ANK3: variants seen among roughly 807,000 people sequenced by gnomAD.
ANK3 encodes the protein ankyrin 3.
Under a neutral mutation model 370.9 loss-of-function variants are expected in ANK3, and 57 were observed. The ratio of observed to expected loss-of-function variants is 0.15; its 90% CI spans 0.12 to 0.19. The LOEUF is 0.19. Ranked by LOEUF, ANK3 falls within the 10% of genes least tolerant of loss-of-function variation. ANK3 has a pLI of 1.00. For synonymous variants in ANK3, 1,929 were observed against 1,946.3 expected (o/e 0.99, Z 0.23); for missense variants, 4,439 against 5,302.1 (o/e 0.84, Z 5.06).
rs919532354 is a variant in ANK3, at chr10:60,069,633, T to C, written c.11248A>G (p.Thr3750Ala). The C allele has an allele frequency of 1.2e-6, 2 of 1,614,178 alleles. No individual in the cohort carries two copies. Residue 3750 changes from threonine (T) to alanine (A), a missense_variant, in exon 37 of 44, where the codon ACC becomes GCC. Thr to Ala is a moderately conservative substitution (Grantham distance 58, BLOSUM62 0). This residue lies in a region of ANK3 where 496 missense variants were observed against 529.3 expected (regional missense o/e 0.94). Coordinates refer to ENST00000280772, the MANE Select transcript of ANK3 (RefSeq NM_020987.5). The stretch of plus-strand genomic sequence containing the variant: ...TCATTTTCTAATCCCTGACAACTGG[T>C]CATCACCGCTTCTATCTTATCTGTT... The part of the protein sequence containing the change: ...EITDKIEAVM[T>A]SCQGLENETI...
At chr10:60,038,252 C>T (rs1307430340) in intron 43 of ANK3, among the ~76,000 whole-genome samples, 1 of 152,062 alleles carries the variant, frequency 6.6e-6, no homozygotes, top group Non-Finnish European at 1.5e-5. Flanking sequence ...CAAAAATTAG[C>T]GGGGCATGGT....
rs934175610 is a variant in ANK3, at chr10:60,028,399, G to C, written c.*1447C>G. 1.3e-5 allele frequency: 2 copies of C among 152,650 alleles called. No individual in the cohort carries two copies. Among genetic ancestry groups the C allele is most frequent in the Non-Finnish European group, 2.9e-5 (2 of 68,048 alleles). 9.5% of individuals were successfully genotyped at this position (152,650 alleles called of 1,614,324 possible). On this transcript the variant is annotated 3_prime_UTR_variant, in exon 44 of 44. Transcript: ENST00000280772. ...AAACACAAGGAGACTGTAGAGCACA[G>C]ATAGGTGAAGAGTTTAACACAATTT...
At chr10:60,183,829 G>A (rs552797276) in intron 17 of ANK3, among the ~76,000 whole-genome samples, 1 of 150,030 alleles carries the variant, frequency 6.7e-6, no homozygotes, top group East Asian at 2.0e-4. Flanking sequence ...TTGCACTCCA[G>A]CCTGGGCAAC....
intron 43 of ANK3, among the ~76,000 whole-genome samples, chr10:60,030,182 G>A (rs1210791305): frequency 6.6e-6 from 1 of 151,936 alleles, no homozygotes; most frequent in Non-Finnish European, 1.5e-5. Flanking sequence ...TTGCTCTGTT[G>A]CCCAGGCTGG....
chr10:60,145,777 A>G (rs2094787093), intron 23 of ANK3, among the ~76,000 whole-genome samples: 1 of 152,200 alleles, frequency 6.6e-6, no homozygotes, highest in Admixed American at 6.5e-5. Flanking sequence ...AATGAATATT[A>G]CAAGAAATTC....
At chr10:60,488,309 C>T (rs1173137164) in intron 2 of ANK3, among the ~76,000 whole-genome samples, 1 of 152,040 alleles carries the variant, frequency 6.6e-6, no homozygotes, top group African/African-American at 2.4e-5. Flanking sequence ...TTTACACATG[C>T]CCTGGAAGAA....
At chr10:60,340,869 A>T (rs1472695222) in intron 1 of ANK3, among the ~76,000 whole-genome samples, 1 of 152,194 alleles carries the variant, frequency 6.6e-6, no homozygotes, top group African/African-American at 2.4e-5. Context: ...CTGTATCCTC[A>T]CAATGACTCT....
chr10:60,718,796 T>C (rs1264336851), intron 1 of ANK3, among the ~76,000 whole-genome samples: 8 of 152,164 alleles, frequency 5.3e-5, no homozygotes, highest in African/African-American at 1.9e-4. Context: ...TCTGTGACTA[T>C]GTGAATAAGA....
At chr10:60,591,921 G>A (rs1446292441) in intron 2 of ANK3, among the ~76,000 whole-genome samples, 1 of 152,156 alleles carries the variant, frequency 6.6e-6, no homozygotes, top group African/African-American at 2.4e-5. Flanking sequence ...GATTACCACA[G>A]ACTTGGAAGG....
intron 1 of ANK3, among the ~76,000 whole-genome samples, chr10:60,628,556 G>A (rs1162127864): frequency 1.3e-5 from 2 of 152,056 alleles, no homozygotes; most frequent in African/African-American, 2.4e-5. Flanking sequence ...CATGTCCCAC[G>A]GGAAACCCCA....
chr10:60,726,338 T>G (rs1369545406), intron 1 of ANK3, among the ~76,000 whole-genome samples: 3 of 152,156 alleles, frequency 2.0e-5, no homozygotes, highest in Non-Finnish European at 4.4e-5. Context: ...GCCTAAAACA[T>G]AGGTTCAAAG....
At position 60,027,043 on chromosome 10, in the gene ANK3, A is replaced by G. The variant is rs1164713219; in HGVS notation, c.*2803T>C. 1 of 152,186 alleles carries G rather than the reference A, an allele frequency of 6.6e-6. No homozygotes were observed. The highest frequency in any genetic ancestry group is 1.5e-5 in the Non-Finnish European group (1 of 68,040). The allele number at this position is 152,186 out of a possible 1,614,324, so 9.4% of individuals were successfully genotyped here. On this transcript the variant is annotated 3_prime_UTR_variant, in exon 44 of 44. Transcript: ENST00000280772. The stretch of plus-strand genomic sequence containing the variant: ...AAATCTTGAATGTCATATTTTGGAT[A>G]CTTCTGAGTAAACTTATGACCTCCT...
intron 2 of ANK3, among the ~76,000 whole-genome samples, chr10:60,590,783 T>C (rs1321061552): frequency 6.6e-6 from 1 of 152,370 alleles, no homozygotes; most frequent in East Asian, 1.9e-4. Flanking sequence ...TCTAGACTAC[T>C]TTTATAATAC....
chr10:60,399,377 C>T (rs192447175), intron 2 of ANK3, among the ~76,000 whole-genome samples: 1 of 152,186 alleles, frequency 6.6e-6, no homozygotes, highest in East Asian at 1.9e-4. Context: ...CTTCTCTCAC[C>T]CCATCCTCCT....
intron 23 of ANK3, among the ~76,000 whole-genome samples, chr10:60,153,070 T>C (rs1270236813): frequency 1.3e-5 from 2 of 152,140 alleles, no homozygotes; most frequent in East Asian, 3.8e-4. Context: ...CAACCCACAT[T>C]CTCATCAACA....
chr10:60,633,916 T>C (rs967828709), intron 1 of ANK3, among the ~76,000 whole-genome samples: 7 of 152,168 alleles, frequency 4.6e-5, no homozygotes, highest in African/African-American at 1.7e-4. Flanking sequence ...GCTTCCTGCC[T>C]TAGAGCCAAA....
chr10:60,045,254 A>G (rs556427001), intron 42 of ANK3, among the ~76,000 whole-genome samples: 1 of 152,314 alleles, frequency 6.6e-6, no homozygotes, highest in Admixed American at 6.5e-5. Flanking sequence ...CCAGTAATAC[A>G]GAGTTAGAAT....
chr10:60,239,600 T>C (rs1252895120), intron 7 of ANK3, among the ~76,000 whole-genome samples: 1 of 152,098 alleles, frequency 6.6e-6, no homozygotes, highest in Non-Finnish European at 1.5e-5. Context: ...TCAGCAGACC[T>C]GCAATACATA....
intron 7 of ANK3, among the ~76,000 whole-genome samples, chr10:60,246,006 A>G (rs1303635787): frequency 6.6e-6 from 1 of 152,210 alleles, no homozygotes; most frequent in Non-Finnish European, 1.5e-5. Flanking sequence ...CTGTAATCCC[A>G]GCACTTTGGG....
Sources: gnomAD v4.1 joint callset for allele counts (sites outside exome capture counted in the v4.1 genomes callset) on GRCh38, gnomAD v4.1.1 for gene constraint, gnomAD v4.1.1 regional missense constraint, MANE v1.5 for transcripts, NCBI Gene and HGNC (gene_info 2026-07-23, HGNC 2026-07-21) for gene names.